The following PNKP variants were observed in gnomAD, a reference collection of about 807,000 sequenced individuals.
The protein encoded by PNKP is bifunctional polynucleotide phosphatase/kinase.
Under a neutral mutation model 66.2 loss-of-function variants are expected in PNKP, and 82 were observed. The ratio of observed to expected loss-of-function variants is 1.24; its 90% CI spans 1.04 to 1.49. The LOEUF is 1.49. Among genes scored for constraint, PNKP ranks in the 40% most tolerant of loss-of-function variants. The probability of loss-of-function intolerance (pLI) is 0.00; values close to 1 mark genes in which losing one functional copy is unlikely to be tolerated. For synonymous variants in PNKP, 412 were observed against 298.9 expected, an observed-to-expected ratio of 1.38 and a Z score of -3.90; for missense variants, 907 against 706.8, an observed-to-expected ratio of 1.28 and a Z score of -3.21.
chr19:49,867,558 T>G lies in PNKP; in HGVS notation c.-103A>C. ...CTGCAACCCGGCCGGCGGCGGTCGG[T>G]TCCTCGGCGGACGGAAATGACTCGT... is the stretch of plus-strand genomic sequence containing the variant. On this transcript the variant is annotated 5_prime_UTR_variant, in exon 1 of 17. Coordinates refer to ENST00000322344, the MANE Select transcript of PNKP (RefSeq NM_007254.4). 2.3e-5 allele frequency: 5 copies of G among 217,674 alleles called. No individual in the cohort carries two copies. The highest frequency in any genetic ancestry group is 2.6e-5 in the Non-Finnish European group (3 of 116,174). 13.5% of individuals were successfully genotyped at this position (217,674 alleles called of 1,614,324 possible).
Position 49,862,093 on chromosome 19 carries a change from G to C in PNKP, c.1139C>G (p.Thr380Ser). ...AVGFPGAGKSTFLKKHLVSAG... is the reference protein window; with the variant it reads ...AVGFPGAGKSSFLKKHLVSAG... ...CGACACGAGGTGCTTCTTGAGAAAG[G>C]TGGACTTCCCGGCTGTGTGGGGGGC... is the stretch of plus-strand genomic sequence containing the variant. Residue 380 changes from threonine (T) to serine (S), a missense_variant, in exon 13 of 17, where the codon ACC becomes AGC. Coordinates refer to ENST00000322344, the MANE Select transcript of PNKP (RefSeq NM_007254.4). The C allele has an allele frequency of 6.2e-7, 1 of 1,614,152 alleles. No homozygotes were observed. Among genetic ancestry groups the C allele is most frequent in the Non-Finnish European group, 8.5e-7 (1 of 1,180,006 alleles).
chr19:49,864,584 A>C (rs1006710279), intron 4 of PNKP, among the ~76,000 whole-genome samples, 181 bp from the exon 5 acceptor site: 3 of 152,120 alleles, frequency 2.0e-5, no homozygotes, highest in Non-Finnish European at 2.9e-5. Flanking sequence ...GTGGGGCCCG[A>C]CATCTTAACC....
At chr19:49,867,397 G>T in intron 1 of PNKP, 72 bp downstream of exon 1, 1 of 638,588 alleles carries the variant, frequency 1.6e-6, no homozygotes, top group Non-Finnish European at 2.7e-6. Context: ...ATCCCTCCCC[G>T]AGTTGCAATC....
intron 7 of PNKP, 39 bp from the exon 8 acceptor site, chr19:49,863,799 C>T: frequency 1.3e-6 from 2 of 1,527,794 alleles, no homozygotes; most frequent in Non-Finnish European, 1.8e-6. Context: ...AGCTCCCCCT[C>T]AAGCACCTAC....
rs1480890100 is a variant in PNKP at position 49,862,073 on chromosome 19, C to T, written c.1159G>A (p.Val387Met). The change falls in exon 13 of 17, where the codon GTG (valine) becomes ATG (methionine). Residue 387 changes from valine (V) to methionine (M), a missense_variant. Physicochemically the swap from Val to Met is conservative, Grantham distance 21 (BLOSUM62 1). Coordinates refer to ENST00000322344, the MANE Select transcript of PNKP (RefSeq NM_007254.4). The stretch of plus-strand genomic sequence containing the variant: ...TTCACGTGGACATATCCGGCCGACA[C>T]GAGGTGCTTCTTGAGAAAGGTGGAC... ...GKSTFLKKHL[V>M]SAGYVHVNRD... is the part of the protein sequence containing the mutation. 3.7e-6 allele frequency: 6 copies of T among 1,614,026 alleles called. No homozygotes were observed. The highest frequency in any genetic ancestry group is 5.1e-6 in the Non-Finnish European group (6 of 1,180,010).
At position 49,865,441 on chromosome 19, in the gene PNKP, G is replaced by A. The variant is rs201254691; in HGVS notation, c.199-15C>T. The A allele has an allele frequency of 1.3e-4, 210 of 1,578,364 alleles. No individual in the cohort carries two copies. Among genetic ancestry groups the A allele is most frequent in the Non-Finnish European group, 1.6e-4 (191 of 1,160,364 alleles). ...TTAACTCCCAGCTGCAGAAAGAGAGGGAGGAGCTGGGACTGGCTCCGCCCC... is the reference window on the plus strand; with the variant it reads ...TTAACTCCCAGCTGCAGAAAGAGAGAGAGGAGCTGGGACTGGCTCCGCCCC... On this transcript the variant is annotated splice_polypyrimidine_tract_variant and intron_variant, in intron 3 of 16. Coordinates refer to ENST00000322344, the MANE Select transcript of PNKP (RefSeq NM_007254.4).
Position 49,864,224 on chromosome 19 carries a change from T to C in PNKP, c.591A>G (p.Pro197=). 2 of 1,614,018 alleles carry C rather than the reference T, an allele frequency of 1.2e-6. No individual in the cohort carries two copies. The highest frequency in any genetic ancestry group is 1.7e-6 in the Non-Finnish European group (2 of 1,179,916). Residue 197 remains proline, a synonymous_variant, in exon 6 of 17, where the codon CCA becomes CCG. Transcript: ENST00000322344. ...TGPSDWRILY[P]EIPRKLRELE... is the part of the protein sequence containing the mutation. ...GCTCTCGGAGCTTACGGGGAATCTC[T>C]GGGTACAAGATCCTACGGCAGGTAT...
rs1321622597 is a variant in PNKP, at chr19:49,861,336, T to G, written c.1478A>C (p.Glu493Ala). 1 of 1,614,140 alleles carries G rather than the reference T, an allele frequency of 6.2e-7. No homozygotes were observed. Among genetic ancestry groups the G allele is most frequent in the Admixed American group, 1.7e-5 (1 of 60,022 alleles). The change falls in exon 17 of 17, where the codon GAA (glutamate) becomes GCA (alanine). Residue 493 changes from glutamate (E) to alanine (A), a missense_variant. By Grantham distance (107) the Glu-to-Ala change is moderately radical. Transcript: ENST00000322344. ...RKQFEAPTLA[E>A]GFSAILEIPF... is the part of the protein sequence containing the mutation. ...GATCTCCAGGATGGCAGAGAAGCCTTCAGCCAGCGTTGGGGCCTCGAACTG... is the reference window on the plus strand; with the variant it reads ...GATCTCCAGGATGGCAGAGAAGCCTGCAGCCAGCGTTGGGGCCTCGAACTG...
intron 8 of PNKP, among the ~76,000 whole-genome samples, chr19:49,863,017 C>CG (rs1197335001): frequency 1.3e-5 from 2 of 152,132 alleles, no homozygotes; most frequent in Non-Finnish European, 2.9e-5. Flanking sequence ...CTCCAGCCTC[C>CG]GGCGTGCCGG....
intron 15 of PNKP, 41 bp downstream of exon 15, chr19:49,861,567 G>A: frequency 6.4e-7 from 1 of 1,558,556 alleles, no homozygotes; most frequent in Non-Finnish European, 8.7e-7. Context: ...AGGGGGGTCA[G>A]GGGGTGCAGC....
chr19:49,867,405 A>G (rs1176417829), intron 1 of PNKP, 64 bp downstream of exon 1: 13 of 626,104 alleles, frequency 2.1e-5, no homozygotes, highest in Non-Finnish European at 3.3e-5. Flanking sequence ...CCGAGTTGCA[A>G]TCCCCACTTT....
rs2074776654 is a variant in PNKP, at chr19:49,862,209, C to G, written c.1102G>C (p.Val368Leu). Residue 368 changes from valine to leucine, a missense_variant, in exon 12 of 17, where the codon GTT becomes CTT. By Grantham distance (32) the Val-to-Leu change is conservative. Transcript: ENST00000322344. ...RALLSASPEV[V>L]VAVGFPGAGK... ...CCCCCAGGGAATCCCACTGCGACAA[C>G]CACCTCCGGGCTGGCGCTCAGGAGG... 6.2e-7 allele frequency: 1 copy of G among 1,613,586 alleles called. No homozygotes were observed. Among genetic ancestry groups the G allele is most frequent in the East Asian group, 2.2e-5 (1 of 44,858 alleles).
Position 49,861,631 on chromosome 19 carries a change from C to G in PNKP, c.1363G>C (p.Glu455Gln). 5 of 1,554,944 alleles carry G rather than the reference C, an allele frequency of 3.2e-6. No individual in the cohort carries two copies. Among genetic ancestry groups the G allele is most frequent in the Non-Finnish European group, 4.3e-6 (5 of 1,149,694 alleles). ...ACCCGGTTGTTGTGGCGCGCCTGCT[C>G]CAGAGTGGCGGTGAAGAGGAAGCAG... ...CRCFLFTATL[E>Q]QARHNNRFRE... The change falls in exon 15 of 17, where the codon GAG becomes CAG. Residue 455 changes from glutamate (E) to glutamine (Q), a missense_variant. Glu to Gln is a conservative substitution (Grantham distance 29). Coordinates refer to ENST00000322344, the MANE Select transcript of PNKP (RefSeq NM_007254.4).
chr19:49,864,281 G>A (rs1350671290), intron 5 of PNKP, 43 bp downstream of exon 5: 1 of 1,609,998 alleles, frequency 6.2e-7, no homozygotes, highest in South Asian at 1.1e-5. Context: ...GGCCAGAGGT[G>A]GACTCCAGGC....
rs750098786 is a variant in PNKP at position 49,862,263 on chromosome 19, C to G, written c.1048G>C (p.Gly350Arg). Residue 350 changes from glycine (G) to arginine (R), a missense_variant, in exon 12 of 17, where the codon GGG (glycine) becomes CGG (arginine). Transcript: ENST00000322344. ...CTGGACTCGGGGAGGCAGAGAGGCC[C>G]TGAGCGGGAGACAGTCCTCTGCGAG... The part of the protein sequence containing the change: ...AFDPRTVSRS[G>R]PLCLPESRAL... The G allele has an allele frequency of 7.5e-6, 12 of 1,603,978 alleles. No individual in the cohort carries two copies. The Admixed American group carries it at 1.9e-4, about 25-fold the overall frequency.
Position 49,865,440 on chromosome 19 carries a change from G to A in PNKP, c.199-14C>T, listed in dbSNP as rs776212337. ...GTTAACTCCCAGCTGCAGAAAGAGA[G>A]GGAGGAGCTGGGACTGGCTCCGCCC... On this transcript the variant is annotated splice_polypyrimidine_tract_variant and intron_variant, in intron 3 of 16. Coordinates refer to ENST00000322344, the MANE Select transcript of PNKP (RefSeq NM_007254.4). 48 of 1,578,506 alleles carry A rather than the reference G, an allele frequency of 3.0e-5. 1 individual carries two copies. In the South Asian group the frequency reaches 4.9e-4, roughly 16 times the overall value.
rs1568659309 is a variant in PNKP, at chr19:49,861,872, CTAGCGTGTCCTGGGGACA to C, written c.1189-9_1197del. The C allele has an allele frequency of 2.5e-6, 4 of 1,589,404 alleles. No individual in the cohort carries two copies. Among genetic ancestry groups the C allele is most frequent in the Non-Finnish European group, 3.4e-6 (4 of 1,170,892 alleles). Reference sequence around the variant, plus strand: ...GTGGTCACACAGCGCTGCCAGGAGCCTAGCGTGTCCTGGGGACACGAGAGGTCACAAACAGATCGGCAG... The same window carrying C: ...GTGGTCACACAGCGCTGCCAGGAGCCCGAGAGGTCACAAACAGATCGGCAG... On this transcript the variant is annotated splice_acceptor_variant and splice_polypyrimidine_tract_variant and coding_sequence_variant and intron_variant, in exon 14 of 17. Coordinates refer to ENST00000322344, the MANE Select transcript of PNKP (RefSeq NM_007254.4). LOFTEE classifies it high-confidence loss of function.
chr19:49,865,191 G>C lies in PNKP; in HGVS notation c.434C>G (p.Pro145Arg). Residue 145 changes from proline (P) to arginine (R), a missense_variant, in exon 4 of 17, where the codon CCC (proline) becomes CGC (arginine). Physicochemically the swap from Pro to Arg is moderately radical, Grantham distance 103 (BLOSUM62 -2). Transcript: ENST00000322344. The stretch of plus-strand genomic sequence containing the variant: ...CAACTTCTCCAAGTTCTCCCAGCCG[G>C]GGTTTGACTTCCGCATACGCTTCTT... ...LPKKRMRKSN[P>R]GWENLEKLLV... 1 of 1,614,228 alleles carries C rather than the reference G, an allele frequency of 6.2e-7. No homozygotes were observed. The highest frequency in any genetic ancestry group is 1.1e-5 in the South Asian group (1 of 91,090).
chr19:49,861,414 C>G, intron 16 of PNKP, 35 bp downstream of exon 16: 1 of 1,613,956 alleles, frequency 6.2e-7, no homozygotes, highest in Non-Finnish European at 8.5e-7. Flanking sequence ...TGTGGCCCAG[C>G]CAGTGCCCCT....
Sources: allele counts gnomAD v4.1 joint callset (sites outside exome capture counted in the v4.1 genomes callset), GRCh38; gene constraint gnomAD v4.1.1; transcripts MANE v1.5; gene names NCBI Gene and HGNC (gene_info 2026-07-23, HGNC 2026-07-21).